Variants in DPY19L1 observed in about 807,000 individuals in gnomAD.
DPY19L1 encodes dpy-19 like C-mannosyltransferase 1, also known as protein C-mannosyl-transferase DPY19L1.
A neutral mutation model predicts 96.9 loss-of-function variants in DPY19L1; 35 were observed. The observed-to-expected ratio is 0.36, with a 90% CI of 0.28 to 0.48. DPY19L1 has a LOEUF of 0.48. DPY19L1 is among the 20% of genes least tolerant of loss of function. The pLI is 0.99. For missense variants in DPY19L1, 521 were observed against 777.9 expected (o/e 0.67, Z 3.93); for synonymous variants, 205 against 252.6 (o/e 0.81, Z 1.79).
intron 10 of DPY19L1, among the ~76,000 whole-genome samples, chr7:34,961,322 C>T (rs1637678): frequency 0.47 from 70,983 of 152,000 alleles, 17,083 homozygotes; most frequent in Admixed American, 0.61. Context: ...GAACAAAATA[C>T]AGAGCCCAGA....
intron 21 of DPY19L1, among the ~76,000 whole-genome samples, chr7:34,934,743 C>T (rs1232983362): frequency 4.6e-5 from 7 of 152,208 alleles, no homozygotes; most frequent in Non-Finnish European, 7.3e-5. Flanking sequence ...CAATAGGGTT[C>T]ATACTCCTAT....
At chr7:34,946,131 G>A (rs1784139880) in intron 15 of DPY19L1, among the ~76,000 whole-genome samples, 1 of 152,204 alleles carries the variant, frequency 6.6e-6, no homozygotes, top group African/African-American at 2.4e-5. Flanking sequence ...CTCAGAGGTT[G>A]ATAATCACAG....
intron 6 of DPY19L1, among the ~76,000 whole-genome samples, chr7:35,005,636 T>TAAAA (rs755623073): frequency 1.2e-5 from 1 of 84,482 alleles, no homozygotes; most frequent in African/African-American, 5.0e-5. Flanking sequence ...CTGTCTCTAC[T>TAAAA]AAAAAAAAAA....
At chr7:34,948,705 A>G (rs1281360589) in intron 14 of DPY19L1, among the ~76,000 whole-genome samples, 1 of 152,214 alleles carries the variant, frequency 6.6e-6, no homozygotes, top group East Asian at 1.9e-4. Flanking sequence ...TATTTGAAGG[A>G]GTCTTGAACC....
intron 4 of DPY19L1, 108 bp downstream of exon 4, chr7:35,013,460 A>C: frequency 1.2e-6 from 1 of 839,190 alleles, no homozygotes; most frequent in South Asian, 2.0e-5. Flanking sequence ...CTTTTAAAAA[A>C]TTAAATACAA....
chr7:34,992,478 C>A (rs1176291879), intron 6 of DPY19L1, among the ~76,000 whole-genome samples: 1 of 150,932 alleles, frequency 6.6e-6, no homozygotes, highest in Admixed American at 6.6e-5. Flanking sequence ...AACTTGCTTT[C>A]TTATTTTTCC....
chr7:35,029,896 G>A (rs1786219911), intron 1 of DPY19L1, among the ~76,000 whole-genome samples: 2 of 152,114 alleles, frequency 1.3e-5, no homozygotes, highest in African/African-American at 4.8e-5. Context: ...ACAAAGACAA[G>A]AGAACTCAAC....
At chr7:35,034,704 G>A (rs776348050) in intron 1 of DPY19L1, among the ~76,000 whole-genome samples, 6 of 152,164 alleles carry the variant, frequency 3.9e-5, no homozygotes, top group Non-Finnish European at 7.3e-5. Context: ...GAAAATGTGT[G>A]TTTCTATCAC....
In DPY19L1 at chr7:34,997,467, G is replaced by A. The variant is rs1315278158; in HGVS notation, c.765-7526C>T. On this transcript the variant is annotated intron_variant, in intron 6 of 21. Transcript: ENST00000638088. ...AAAAAAAAAAAAAAAAAAATTAGCT[G>A]GGCGTGGTGCCAGGCGCCTGTAGTC... Among the ~76,000 whole-genome samples the A allele has an allele frequency of 5.4e-5, 8 of 146,876 alleles. 1 individual carries two copies. Among genetic ancestry groups the A allele is most frequent in the South Asian group, 4.3e-4 (2 of 4,614 alleles).
chr7:35,019,562 G>A (rs537612922), intron 1 of DPY19L1, among the ~76,000 whole-genome samples: 1 of 151,722 alleles, frequency 6.6e-6, no homozygotes, highest in Admixed American at 6.6e-5. Flanking sequence ...AGGAAGAAGA[G>A]GAGGAGAAGG....
intron 7 of DPY19L1, among the ~76,000 whole-genome samples, chr7:34,977,485 G>A (rs769363897): frequency 9.2e-5 from 14 of 152,106 alleles, no homozygotes; most frequent in Non-Finnish European, 1.5e-4. Context: ...CCCAATTACA[G>A]GACTGTAATG....
intron 7 of DPY19L1, among the ~76,000 whole-genome samples, chr7:34,980,889 A>G (rs1355306141): frequency 1.3e-5 from 2 of 152,222 alleles, no homozygotes; most frequent in Admixed American, 6.5e-5. Flanking sequence ...ATGTGGATAC[A>G]TATCACAGAC....
intron 7 of DPY19L1, among the ~76,000 whole-genome samples, chr7:34,980,519 C>T (rs948781804): frequency 8.6e-5 from 13 of 151,872 alleles, no homozygotes; most frequent in African/African-American, 3.1e-4. Context: ...AAAGACAGGT[C>T]GTTAAGTGGT....
chr7:34,957,495 C>A (rs1784403996), intron 11 of DPY19L1, among the ~76,000 whole-genome samples: 1 of 152,188 alleles, frequency 6.6e-6, no homozygotes, highest in Non-Finnish European at 1.5e-5. Context: ...TCTCCATAAT[C>A]TAAAGTTGTT....
intron 1 of DPY19L1, among the ~76,000 whole-genome samples, chr7:35,020,687 C>T (rs1046000743): frequency 3.3e-5 from 5 of 151,976 alleles, no homozygotes; most frequent in African/African-American, 9.7e-5. Flanking sequence ...GTTTTTTAAA[C>T]TTATCTTCAG....
intron 3 of DPY19L1, among the ~76,000 whole-genome samples, chr7:35,014,333 AAG>A (rs1451165518): frequency 1.3e-5 from 2 of 152,168 alleles, no homozygotes; most frequent in African/African-American, 4.8e-5. Context: ...TTTTGAAGAA[AAG>A]AGACAGTTTT....
At chr7:34,969,623 T>C (rs1784683663) in intron 8 of DPY19L1, 91 bp from the exon 9 acceptor site, 1 of 583,718 alleles carries the variant, frequency 1.7e-6, no homozygotes, top group Non-Finnish European at 2.8e-6. Flanking sequence ...TCGAAATATA[T>C]ATGATCTGGT....
At position 34,929,618 on chromosome 7, in the gene DPY19L1, A is replaced by T. The variant is rs1783709063; in HGVS notation, c.*1955T>A. The T allele has an allele frequency of 6.6e-6, 1 of 152,186 alleles. No individual in the cohort carries two copies. The highest frequency in any genetic ancestry group is 6.5e-5 in the Admixed American group (1 of 15,280). The allele number at this position is 152,186 out of a possible 1,614,324, so 9.4% of individuals were successfully genotyped here. A position where few individuals can be genotyped will look rare whatever the true frequency, so the allele number is the denominator to read the frequency against. On this transcript the variant is annotated 3_prime_UTR_variant, in exon 22 of 22. Coordinates refer to ENST00000638088, the MANE Select transcript of DPY19L1 (RefSeq NM_001366673.1). ...AAAATTGTAACTGCTGGATGTACAC[A>T]ATCAGCCACACTCAGGTGAGCAACA...
intron 8 of DPY19L1, among the ~76,000 whole-genome samples, chr7:34,970,916 C>A (rs1784713022): frequency 6.6e-6 from 1 of 150,408 alleles, no homozygotes; most frequent in African/African-American, 2.4e-5. Flanking sequence ...GGTATATAAA[C>A]TGAATTTCTA....
Sources: gnomAD v4.1 joint callset for allele counts (sites outside exome capture counted in the v4.1 genomes callset) on GRCh38, gnomAD v4.1.1 for gene constraint, MANE v1.5 for transcripts, NCBI Gene and HGNC (gene_info 2026-07-23, HGNC 2026-07-21) for gene names.